DNAI3: variants seen among roughly 807,000 people sequenced by gnomAD.
The protein encoded by DNAI3 is dynein axonemal intermediate chain 3, also known as WD repeat domain 63.
DNAI3 carries 83 observed loss-of-function variants against 115.5 expected under a neutral mutation model. The observed-to-expected ratio is 0.72, with a 90% CI of 0.60 to 0.86. DNAI3 has a LOEUF of 0.86. DNAI3 is among the 40% of genes least tolerant of loss of function. The pLI is 0.00. For missense variants in DNAI3, 1,004 were observed against 1,075.8 expected, an observed-to-expected ratio of 0.93 and a Z score of 0.93; for synonymous variants, 320 against 347.0, an observed-to-expected ratio of 0.92 and a Z score of 0.86.
At chr1:85,095,059 G>A (rs1325364932) in intron 10 of DNAI3, among the ~76,000 whole-genome samples, 11 of 152,062 alleles carry the variant, frequency 7.2e-5, no homozygotes, top group Admixed American at 2.0e-4. Flanking sequence ...GTATGAAATC[G>A]CCCAATTTTA....
At chr1:85,106,399 G>A (rs1050188533) in intron 14 of DNAI3, among the ~76,000 whole-genome samples, 3 of 152,050 alleles carry the variant, frequency 2.0e-5, no homozygotes, top group African/African-American at 4.8e-5. Flanking sequence ...ATATATAAAA[G>A]AACTCTTACC....
chr1:85,072,027 A>C (rs747759839), intron 2 of DNAI3, 22 bp downstream of exon 2: 11 of 1,599,996 alleles, frequency 6.9e-6, no homozygotes, highest in Non-Finnish European at 9.4e-6. Context: ...TCTTCATTGA[A>C]TGGGATTTTT....
At chr1:85,132,155 G>A (rs1656345857) in intron 22 of DNAI3, among the ~76,000 whole-genome samples, 1 of 152,188 alleles carries the variant, frequency 6.6e-6, no homozygotes, top group Non-Finnish European at 1.5e-5. Context: ...GGGGGAAATG[G>A]CAACAGTAAC....
chr1:85,104,735 A>T (rs1571185329), intron 14 of DNAI3, 138 bp downstream of exon 14: 5 of 718,554 alleles, frequency 7.0e-6, no homozygotes, highest in Non-Finnish European at 1.1e-5. Context: ...AAAGAATGTT[A>T]TGGATTGTTG....
intron 17 of DNAI3, 91 bp downstream of exon 17, chr1:85,117,950 GAC>G (rs1655882314): frequency 1.6e-5 from 23 of 1,432,252 alleles, no homozygotes; most frequent in Non-Finnish European, 2.2e-5. Flanking sequence ...GCTGTGTAAA[GAC>G]ATAAAAGTTA....
At chr1:85,072,062 G>A (rs892998730) in intron 2 of DNAI3, 57 bp downstream of exon 2, 3 of 1,474,762 alleles carry the variant, frequency 2.0e-6, no homozygotes, top group Non-Finnish European at 2.8e-6. Flanking sequence ...GTATATATTA[G>A]CAGCAAAATG....
chr1:85,111,346 T>C (rs964966074), intron 16 of DNAI3, among the ~76,000 whole-genome samples: 1 of 152,218 alleles, frequency 6.6e-6, no homozygotes, highest in Non-Finnish European at 1.5e-5. Context: ...ACGGGAGTTT[T>C]CTCCTTCTCC....
At chr1:85,094,703 A>G (rs1655076869) in intron 10 of DNAI3, 148 bp downstream of exon 10, 1 of 998,266 alleles carries the variant, frequency 1.0e-6, no homozygotes, top group Admixed American at 2.9e-5. Context: ...AGAACTTGTC[A>G]TCATTCAATT....
chr1:85,106,922 A>C (rs1218023931), intron 14 of DNAI3, among the ~76,000 whole-genome samples: 1 of 152,126 alleles, frequency 6.6e-6, no homozygotes, highest in Non-Finnish European at 1.5e-5. Flanking sequence ...AAACTAGAAA[A>C]CTCTTAGAAG....
At chr1:85,064,328 T>G (rs542604410) in intron 1 of DNAI3, among the ~76,000 whole-genome samples, 1 of 152,138 alleles carries the variant, frequency 6.6e-6, no homozygotes, top group East Asian at 1.9e-4. Flanking sequence ...CTCAAATAAG[T>G]GAATATCCAA....
chr1:85,120,713 A>G (rs919260506), intron 17 of DNAI3, among the ~76,000 whole-genome samples: 3 of 152,206 alleles, frequency 2.0e-5, no homozygotes, highest in African/African-American at 7.2e-5. Flanking sequence ...CAACATGGCC[A>G]TAGATTAGCA....
intron 15 of DNAI3, among the ~76,000 whole-genome samples, chr1:85,109,051 G>T (rs1016319181): frequency 2.0e-5 from 3 of 152,052 alleles, no homozygotes; most frequent in African/African-American, 7.2e-5. Flanking sequence ...TACGTTTTTT[G>T]GGATATTAGA....
chr1:85,081,525 C>T (rs1406378038), intron 4 of DNAI3, 110 bp downstream of exon 4: 4 of 1,028,058 alleles, frequency 3.9e-6, no homozygotes, highest in Non-Finnish European at 5.4e-6. Context: ...TTGCTTTGGG[C>T]AAGTGCTAGC....
intron 8 of DNAI3, 93 bp from the exon 9 acceptor site, chr1:85,093,365 G>A: frequency 8.9e-7 from 1 of 1,129,044 alleles, no homozygotes; most frequent in East Asian, 2.5e-5. Flanking sequence ...TTTTTGTTCA[G>A]TATAAATGAA....
intron 5 of DNAI3, among the ~76,000 whole-genome samples, chr1:85,083,791 T>C (rs709761): frequency 0.99 from 150,627 of 152,182 alleles, 74,550 homozygotes; most frequent in Middle Eastern, 1. Context: ...CCATTTTCTT[T>C]ACTCCTCCCT....
At chr1:85,090,423 A>G (rs558464466) in intron 8 of DNAI3, among the ~76,000 whole-genome samples, 191 bp downstream of exon 8, 2 of 152,354 alleles carry the variant, frequency 1.3e-5, no homozygotes, top group African/African-American at 4.8e-5. Flanking sequence ...TCTTAGCCCT[A>G]TCAAGCTAAG....
chr1:85,117,735 T>G lies in DNAI3; in HGVS notation c.1793T>G (p.Met598Arg), dbSNP rs746719268. 6.2e-7 allele frequency: 1 copy of G among 1,613,526 alleles called. No individual in the cohort carries two copies. The highest frequency in any genetic ancestry group is 1.3e-5 in the African/African-American group (1 of 75,036). Residue 598 changes from methionine (M) to arginine (R), a missense_variant, in exon 17 of 23, where the codon ATG becomes AGG. Met to Arg is a moderately conservative substitution (Grantham distance 91, BLOSUM62 -1). Around this residue, in one of 3 missense-constraint regions of DNAI3, gnomAD observed 429 missense variants for 454.3 expected, o/e 0.94. Transcript: ENST00000294664. Reference sequence around the variant, plus strand: ...ACCCACACTCCTCTGAAAGACAAAATGTTAGCACAGAGCAAAACAGAGAAG... The same window carrying G: ...ACCCACACTCCTCTGAAAGACAAAAGGTTAGCACAGAGCAAAACAGAGAAG... The part of the protein sequence containing the change: ...DHLLCKTQDK[M>R]LAQSKTEKAE...
Position 85,126,624 on chromosome 1 carries a change from C to T in DNAI3, c.2226C>T (p.Ile742=), listed in dbSNP as rs775881043. The T allele has an allele frequency of 2.7e-5, 43 of 1,614,146 alleles. No individual in the cohort carries two copies. Among genetic ancestry groups the T allele is most frequent in the Non-Finnish European group, 3.6e-5 (43 of 1,180,018 alleles). The change falls in exon 20 of 23, where the codon ATC becomes ATT. Residue 742 remains isoleucine (I), a synonymous_variant. Transcript: ENST00000294664. ...GCCGAGAAGATGGATACATTGATAT[C>T]TGGGACCTTCTGGAGAAAACCCATG... ...YIGREDGYID[I]WDLLEKTHEP...
intron 16 of DNAI3, among the ~76,000 whole-genome samples, chr1:85,111,646 T>C (rs1289976336): frequency 1.3e-5 from 2 of 152,188 alleles, no homozygotes; most frequent in African/African-American, 4.8e-5. Flanking sequence ...AAGGTAACTT[T>C]ATTAAATGTC....
Sources: gnomAD v4.1 joint callset for allele counts (sites outside exome capture counted in the v4.1 genomes callset) on GRCh38, gnomAD v4.1.1 for gene constraint, gnomAD v4.1.1 regional missense constraint, MANE v1.5 for transcripts, NCBI Gene and HGNC (gene_info 2026-07-23, HGNC 2026-07-21) for gene names.